ZNF385D: variants seen among roughly 807,000 people sequenced by gnomAD.
The protein encoded by ZNF385D is zinc finger protein 385D.
ZNF385D carries 15 observed loss-of-function variants against 35.8 expected under a neutral mutation model. The ratio of observed to expected loss-of-function variants is 0.42; its 90% CI spans 0.28 to 0.64. The LOEUF is 0.64. Ranked by LOEUF, ZNF385D falls within the 30% of genes least tolerant of loss-of-function variation. ZNF385D has a pLI of 0.23. For synonymous variants in ZNF385D, 212 were observed against 186.8 expected (o/e 1.13, Z -1.10); for missense variants, 474 against 494.6 (o/e 0.96, Z 0.39).
intron 2 of ZNF385D, among the ~76,000 whole-genome samples, chr3:21,603,056 A>G (rs1041457089): frequency 3.9e-5 from 6 of 152,188 alleles, no homozygotes; most frequent in African/African-American, 1.4e-4. Context: ...CAAACTTACT[A>G]TCATTCAGAG....
chr3:22,178,679 G>T (rs978690125), intron 2 of ZNF385D, among the ~76,000 whole-genome samples: 1 of 152,110 alleles, frequency 6.6e-6, no homozygotes, highest in Non-Finnish European at 1.5e-5. Context: ...GTCCTGAATG[G>T]TATTGCCTAG....
chr3:22,246,951 G>A (rs1657862749), intron 2 of ZNF385D, among the ~76,000 whole-genome samples: 1 of 152,042 alleles, frequency 6.6e-6, no homozygotes, highest in Non-Finnish European at 1.5e-5. Flanking sequence ...ATACATACGT[G>A]CACACACACA....
At chr3:21,903,578 G>A (rs565260278) in intron 3 of ZNF385D, among the ~76,000 whole-genome samples, 1 of 152,244 alleles carries the variant, frequency 6.6e-6, no homozygotes, top group East Asian at 1.9e-4. Context: ...TTTTGATCAT[G>A]GTGATGATTG....
chr3:22,366,926 C>T (rs1013673435), intron 2 of ZNF385D, among the ~76,000 whole-genome samples: 3 of 152,162 alleles, frequency 2.0e-5, no homozygotes, highest in African/African-American at 7.2e-5. Flanking sequence ...GGAATGGCAA[C>T]AGAAGCTGGA....
chr3:22,097,980 G>A (rs1018864660), intron 3 of ZNF385D, among the ~76,000 whole-genome samples: 14 of 151,950 alleles, frequency 9.2e-5, no homozygotes, highest in South Asian at 8.3e-4. Flanking sequence ...AACCAATGAC[G>A]ATTAAAAACT....
At position 22,244,447 on chromosome 3, in the gene ZNF385D, A is replaced by T. The variant is rs140728962; in HGVS notation, c.107-75412T>A. 1.7e-3 allele frequency among the ~76,000 whole-genome samples: 250 copies of T among 150,354 alleles called. 11 individuals are homozygous for T. Among genetic ancestry groups the T allele is most frequent in the African/African-American group, 6.1e-3 (248 of 40,672 alleles). On this transcript the variant is annotated intron_variant, in intron 2 of 5. Coordinates refer to the ZNF385D transcript ENST00000494108. The stretch of plus-strand genomic sequence containing the variant: ...AAATATCAAGTATATTCTTATCATC[A>T]ATACAAGAAATACAATTTCTGTTTT...
intron 1 of ZNF385D, among the ~76,000 whole-genome samples, chr3:21,713,916 A>G (rs2068214316): frequency 6.6e-6 from 1 of 152,084 alleles, no homozygotes; most frequent in South Asian, 2.1e-4. Context: ...CAACCCTGGG[A>G]CCCAAAGTCT....
chr3:21,434,175 T>C (rs1461710004), intron 5 of ZNF385D, among the ~76,000 whole-genome samples: 1 of 152,160 alleles, frequency 6.6e-6, no homozygotes, highest in Non-Finnish European at 1.5e-5. Flanking sequence ...GTCTAACAGT[T>C]TCATTTGGTC....
chr3:22,136,637 A>C (rs1704132867), intron 3 of ZNF385D, among the ~76,000 whole-genome samples: 1 of 152,214 alleles, frequency 6.6e-6, no homozygotes, highest in African/African-American at 2.4e-5. Flanking sequence ...TGTAGATAAC[A>C]AACAAGCATA....
intron 3 of ZNF385D, among the ~76,000 whole-genome samples, chr3:22,135,566 A>T (rs977351245): frequency 6.6e-6 from 1 of 152,212 alleles, no homozygotes; most frequent in African/African-American, 2.4e-5. Flanking sequence ...AAATTGATCA[A>T]TGGGTTTAAT....
chr3:21,513,728 T>A (rs1707377915), intron 3 of ZNF385D, among the ~76,000 whole-genome samples: 1 of 152,124 alleles, frequency 6.6e-6, no homozygotes, highest in Admixed American at 6.5e-5. Flanking sequence ...CAGATAACCC[T>A]TCTAGATATT....
intron 2 of ZNF385D, among the ~76,000 whole-genome samples, chr3:22,249,636 G>T (rs967023922): frequency 1.3e-5 from 2 of 152,178 alleles, no homozygotes; most frequent in Admixed American, 6.6e-5. Context: ...TAAGGATAGA[G>T]ATTTATATAT....
intron 3 of ZNF385D, among the ~76,000 whole-genome samples, chr3:21,776,913 A>G (rs974648315): frequency 2.6e-5 from 4 of 151,976 alleles, no homozygotes; most frequent in Admixed American, 1.3e-4. Context: ...TAGTTCCAGA[A>G]AAGTTCCCAG....
intron 3 of ZNF385D, among the ~76,000 whole-genome samples, chr3:21,885,779 G>A (rs533051934): frequency 1.0e-3 from 117 of 114,424 alleles, no homozygotes; most frequent in African/African-American, 3.4e-3. Flanking sequence ...TGTGTGTGTA[G>A]AAAGAAAGAG....
At chr3:22,244,029 G>A (rs1244861641) in intron 2 of ZNF385D, among the ~76,000 whole-genome samples, 2 of 150,466 alleles carry the variant, frequency 1.3e-5, no homozygotes, top group African/African-American at 4.9e-5. Flanking sequence ...CTCTTCATTG[G>A]CTTAGCACTT....
At chr3:21,511,127 C>T (rs563490985) in intron 3 of ZNF385D, 104 bp from the exon 4 acceptor site, 48 of 1,419,338 alleles carry the variant, frequency 3.4e-5, no homozygotes, top group South Asian at 1.6e-4. Context: ...AGGTACCATT[C>T]GAGCTAATTC....
intron 3 of ZNF385D, among the ~76,000 whole-genome samples, chr3:21,972,391 A>C (rs1210664239): frequency 6.6e-6 from 1 of 151,970 alleles, no homozygotes; most frequent in African/African-American, 2.4e-5. Context: ...AGCAAATAAA[A>C]ATGGAAATAC....
At chr3:21,818,422 A>C (rs1047406498) in intron 3 of ZNF385D, among the ~76,000 whole-genome samples, 28 of 152,330 alleles carry the variant, frequency 1.8e-4, no homozygotes, top group Middle Eastern at 3.4e-3. Flanking sequence ...AAAATATATT[A>C]ATGAGACAGT....
At position 21,664,895 on chromosome 3, in the gene ZNF385D, A is replaced by G. The variant is rs1456048326; in HGVS notation, c.156T>C (p.Asn52=). 4 of 1,613,572 alleles carry G rather than the reference A, an allele frequency of 2.5e-6. No individual in the cohort carries two copies. The highest frequency in any genetic ancestry group is 3.4e-6 in the Non-Finnish European group (4 of 1,179,690). Residue 52 remains asparagine, a synonymous_variant, in exon 2 of 8, where the codon AAT becomes AAC. Transcript: ENST00000281523. ...DTAAAVNLFP[N]FNAMDPIQKA... ...TTTGGCAGGTACTTACCGCATTGAA[A>G]TTGGGGAAGAGGTTGACTGCAGCTG...
Sources: gnomAD v4.1 joint callset for allele counts (sites outside exome capture counted in the v4.1 genomes callset) on GRCh38, gnomAD v4.1.1 for gene constraint, MANE v1.5 for transcripts, NCBI Gene and HGNC (gene_info 2026-07-23, HGNC 2026-07-21) for gene names.